Variants in RABL2A observed in about 807,000 individuals in gnomAD.
RABL2A encodes rab-like protein 2A.
RABL2A carries 17 observed loss-of-function variants against 30.7 expected under a neutral mutation model. The observed-to-expected ratio is 0.55, with a 90% CI of 0.38 to 0.83. The LOEUF is 0.83. Ranked by LOEUF, RABL2A falls within the 40% of genes least tolerant of loss-of-function variation. The pLI, the probability that RABL2A is intolerant of heterozygous loss-of-function variation, is 0.00. For synonymous variants in RABL2A, 64 were observed against 101.8 expected, an observed-to-expected ratio of 0.63 and a Z score of 2.24; for missense variants, 155 against 272.6, an observed-to-expected ratio of 0.57 and a Z score of 3.04.
rs1393531911 is a variant in RABL2A, at chr2:113,640,908, G to T, written c.312G>T (p.Gln104His). ...AHACIMVFDI[Q>H]RKVTYRNLST... ...GCCCTTTGCAGGTGTTTGATATACA[G>T]AGGAAAGTCACCTATAGGAACCTGA... Residue 104 changes from glutamine to histidine, a missense_variant, in exon 6 of 9, where the codon CAG becomes CAT. By Grantham distance (24) the Gln-to-His change is conservative (BLOSUM62 0). Transcript: ENST00000683472. 20 of 1,613,800 alleles carry T rather than the reference G, an allele frequency of 1.2e-5. No individual in the cohort carries two copies. The highest frequency in any genetic ancestry group is 1.6e-5 in the Non-Finnish European group (19 of 1,179,878).
chr2:113,634,663 C>G (rs935081169), intron 4 of RABL2A: 1 of 409,734 alleles, frequency 2.4e-6, no homozygotes, highest in South Asian at 2.2e-5. Context: ...TCTCCTTGGC[C>G]GGGCACACAG....
At chr2:113,634,100 C>T (rs1192186001) in intron 3 of RABL2A, 53 bp from the exon 4 acceptor site, 8 of 1,566,806 alleles carry the variant, frequency 5.1e-6, no homozygotes, top group African/African-American at 1.4e-5. Flanking sequence ...CCCTGCTCCC[C>T]ACTCCTTCCT....
intron 2 of RABL2A, among the ~76,000 whole-genome samples, chr2:113,629,536 A>ATTTTTTTTTTTTTTTTT (rs796575829): frequency 7.1e-6 from 1 of 141,088 alleles, no homozygotes; most frequent in African/African-American, 2.6e-5. Context: ...CTGGTTTAGA[A>ATTTTTTTTTTTTTTTTT]TTTTTTTTTT....
Position 113,642,308 on chromosome 2 carries a change from A to T in RABL2A, c.*179A>T. On this transcript the variant is annotated 3_prime_UTR_variant, in exon 9 of 9. Transcript: ENST00000683472. The stretch of plus-strand genomic sequence containing the variant: ...ACAGGGATGAGGTCAGCACCAGCAA[A>T]CTCTGGACTGGTGGAAGAATTCCCC... The T allele has an allele frequency of 7.1e-7, 1 of 1,402,264 alleles. No homozygotes were observed. Among genetic ancestry groups the T allele is most frequent in the Non-Finnish European group, 9.5e-7 (1 of 1,057,768 alleles). The allele number at this position is 1,402,264 out of a possible 1,614,324, so 86.9% of individuals were successfully genotyped here.
At position 113,642,171 on chromosome 2, in the gene RABL2A, C is replaced by T. The variant is rs1376749486; in HGVS notation, c.*42C>T. ...GTGGGTGGAGCCCTTTTAAAATACC[C>T]TTCCCTTCAACAACTCTCCAGCTCT... On this transcript the variant is annotated 3_prime_UTR_variant, in exon 9 of 9. Coordinates refer to ENST00000683472, the MANE Select transcript of RABL2A (RefSeq NM_001306158.2). 7 of 1,563,290 alleles carry T rather than the reference C, an allele frequency of 4.5e-6. No individual in the cohort carries two copies. In the South Asian group the frequency reaches 7.3e-5, roughly 16 times the overall value.
At chr2:113,634,430 C>T (rs1397530180) in intron 4 of RABL2A, 198 bp downstream of exon 4, 3 of 671,238 alleles carry the variant, frequency 4.5e-6, no homozygotes, top group Non-Finnish European at 7.4e-6. Flanking sequence ...CAAGTCCCAG[C>T]CCTCTGACCT....
At chr2:113,632,461 A>T (rs1573981380) in intron 2 of RABL2A, among the ~76,000 whole-genome samples, 1 of 152,158 alleles carries the variant, frequency 6.6e-6, no homozygotes, top group African/African-American at 2.4e-5. Context: ...ACACCTGGCT[A>T]ATTTTTTGTA....
In RABL2A at chr2:113,637,715, C is replaced by T. The variant is rs1407569569; in HGVS notation, c.297+2585C>T. ...CAGTGTAGTGCAGAAGTCTGACCCT[C>T]AAGAGCAGAGGAGCTTGGTCCTAGC... On this transcript the variant is annotated intron_variant, in intron 5 of 8. Coordinates refer to ENST00000683472, the MANE Select transcript of RABL2A (RefSeq NM_001306158.2). 1.0e-5 allele frequency: 13 copies of T among 1,271,810 alleles called. 3 individuals carry two copies. In the African/African-American group the frequency reaches 2.0e-4, roughly 20 times the overall value. The allele number at this position is 1,271,810 out of a possible 1,614,324, so 78.8% of individuals were successfully genotyped here.
chr2:113,639,139 T>C (rs1574091135), intron 5 of RABL2A, among the ~76,000 whole-genome samples: 5 of 151,758 alleles, frequency 3.3e-5, no homozygotes, highest in Non-Finnish European at 7.4e-5. Context: ...TAAACAAAAT[T>C]AGCCAGGCAT....
intron 5 of RABL2A, chr2:113,638,537 G>T: frequency 4.1e-6 from 4 of 985,346 alleles, no homozygotes; most frequent in Non-Finnish European, 4.8e-6. Context: ...CTTAGAGCTG[G>T]TTTGCAGTGC....
chr2:113,638,109 G>C (rs1377902896), intron 5 of RABL2A: 1 of 985,294 alleles, frequency 1.0e-6, no homozygotes, highest in Admixed American at 6.1e-5. Flanking sequence ...ACCAGATCTG[G>C]ACAAAAGTCA....
chr2:113,643,092 C>T lies in RABL2A; in HGVS notation c.*963C>T, dbSNP rs1463956581. On this transcript the variant is annotated 3_prime_UTR_variant, in exon 9 of 9. Transcript: ENST00000683472. Reference sequence around the variant, plus strand: ...GAATACACAAGCGGTAAAATCGAGTCCTTACAGCCATACCACAAGGTACGT... The same window carrying T: ...GAATACACAAGCGGTAAAATCGAGTTCTTACAGCCATACCACAAGGTACGT... The T allele has an allele frequency of 2.2e-6, 1 of 451,694 alleles. No homozygotes were observed. Among genetic ancestry groups the T allele is most frequent in the Non-Finnish European group, 4.4e-6 (1 of 225,762 alleles). The allele number at this position is 451,694 out of a possible 1,614,324, so 28.0% of individuals were successfully genotyped here. A position where few individuals can be genotyped will look rare whatever the true frequency, so the allele number is the denominator to read the frequency against.
chr2:113,632,777 G>A (rs558329168), intron 2 of RABL2A, 138 bp from the exon 3 acceptor site: 28 of 1,205,650 alleles, frequency 2.3e-5, no homozygotes, highest in East Asian at 1.9e-4. Context: ...GACTTGACCC[G>A]GAAGCTGTGT....
At chr2:113,639,249 G>A (rs1482502387) in intron 5 of RABL2A, among the ~76,000 whole-genome samples, 3 of 152,138 alleles carry the variant, frequency 2.0e-5, no homozygotes, top group Admixed American at 6.5e-5. Flanking sequence ...TTCTGCCACT[G>A]CACTCCAGCC....
intron 1 of RABL2A, 168 bp from the exon 2 acceptor site, chr2:113,628,384 CAT>C: frequency 2.0e-6 from 1 of 487,968 alleles, no homozygotes; most frequent in South Asian, 2.2e-5. Context: ...TTGTGTATAA[CAT>C]ATTACTGATG....
rs1455114916 is a variant in RABL2A at position 113,642,688 on chromosome 2, T to G, written c.*559T>G. The G allele has an allele frequency of 5.1e-6, 1 of 195,042 alleles. No individual in the cohort carries two copies. The highest frequency in any genetic ancestry group is 1.1e-5 in the Non-Finnish European group (1 of 94,232). The allele number at this position is 195,042 out of a possible 1,614,324, so 12.1% of individuals were successfully genotyped here. On this transcript the variant is annotated 3_prime_UTR_variant, in exon 9 of 9. Coordinates refer to ENST00000683472, the MANE Select transcript of RABL2A (RefSeq NM_001306158.2). Reference sequence around the variant, plus strand: ...ACGGAGTCTCGCTCTGTCGCCAGGCTGGAGTGCAGTGGCGCAGTCTCGGCT... The same window carrying G: ...ACGGAGTCTCGCTCTGTCGCCAGGCGGGAGTGCAGTGGCGCAGTCTCGGCT...
chr2:113,637,235 A>G (rs1265591910), intron 5 of RABL2A: 8 of 346,770 alleles, frequency 2.3e-5, no homozygotes, highest in South Asian at 1.1e-4. Flanking sequence ...ACCTTCCTTC[A>G]TGCTCTTCCC....
chr2:113,637,409 C>T (rs1683329927), intron 5 of RABL2A: 1 of 1,069,812 alleles, frequency 9.3e-7, no homozygotes, highest in Non-Finnish European at 1.1e-6. Context: ...CATGGACTGT[C>T]TGTGATGCAC....
At chr2:113,629,731 G>T (rs934930786) in intron 2 of RABL2A, among the ~76,000 whole-genome samples, 35 of 152,026 alleles carry the variant, frequency 2.3e-4, no homozygotes, top group Middle Eastern at 3.2e-3. Context: ...GTAGAGACGG[G>T]GCTTCACCTT....
Sources: gnomAD v4.1 joint callset for allele counts (sites outside exome capture counted in the v4.1 genomes callset) on GRCh38, gnomAD v4.1.1 for gene constraint, MANE v1.5 for transcripts, NCBI Gene and HGNC (gene_info 2026-07-23, HGNC 2026-07-21) for gene names.